Variants in PDZD2 observed in about 807,000 individuals in gnomAD.
PDZD2 encodes PDZ domain containing 2.
PDZD2 carries 90 observed loss-of-function variants against 220.7 expected under a neutral mutation model. The observed-to-expected ratio is 0.41, with a 90% confidence interval of 0.34 to 0.49. PDZD2 has a LOEUF of 0.49. PDZD2 is among the 20% of genes least tolerant of loss of function. PDZD2 has a pLI of 0.28. For synonymous variants in PDZD2, 1,375 were observed against 1,450.5 expected, an observed-to-expected ratio of 0.95 and a Z score of 1.18; for missense variants, 3,174 against 3,608.5, an observed-to-expected ratio of 0.88 and a Z score of 3.08.
At chr5:31,942,632 G>A (rs961919914) in intron 2 of PDZD2, among the ~76,000 whole-genome samples, 2 of 152,178 alleles carry the variant, frequency 1.3e-5, no homozygotes, top group African/African-American at 4.8e-5. Context: ...ACTGCACCCG[G>A]CCAAACAAAA....
chr5:32,042,628 G>A (rs1465964277), intron 7 of PDZD2, among the ~76,000 whole-genome samples: 2 of 152,288 alleles, frequency 1.3e-5, no homozygotes, highest in Non-Finnish European at 2.9e-5. Context: ...TTGTGCTCAT[G>A]ACTCAGAATA....
chr5:31,649,652 C>T (rs1007769277), intron 1 of PDZD2, among the ~76,000 whole-genome samples: 5 of 151,994 alleles, frequency 3.3e-5, no homozygotes. Context: ...TATCAAGTCT[C>T]GGCTGGGCGC....
chr5:32,000,720 G>A lies in PDZD2; in HGVS notation c.1254+449G>A, dbSNP rs1453161217. Among the ~76,000 whole-genome samples, 2 of 152,192 alleles carry A rather than the reference G, an allele frequency of 1.3e-5. No homozygotes were observed. Among genetic ancestry groups the A allele is most frequent in the African/African-American group, 2.4e-5 (1 of 41,458 alleles). On this transcript the variant is annotated intron_variant, in intron 5 of 24. Coordinates refer to ENST00000438447, the MANE Select transcript of PDZD2 (RefSeq NM_178140.4). The surrounding 1 kb of genome is among the most constrained non-coding windows in gnomAD (Gnocchi z 4.5). Reference sequence around the variant, plus strand: ...AGATGGGGTTTCTCCATGTTGGTCAGGCTGGTCTCAAACTCCTGACCTCAG... The same window carrying A: ...AGATGGGGTTTCTCCATGTTGGTCAAGCTGGTCTCAAACTCCTGACCTCAG...
chr5:32,005,726 A>T (rs1335589024), intron 5 of PDZD2, among the ~76,000 whole-genome samples: 3 of 152,174 alleles, frequency 2.0e-5, no homozygotes, highest in African/African-American at 7.2e-5. Context: ...CCTGGACTTA[A>T]ATCGAGCACA....
chr5:31,882,887 G>A (rs922387952), intron 2 of PDZD2, among the ~76,000 whole-genome samples: 4 of 151,804 alleles, frequency 2.6e-5, no homozygotes, highest in African/African-American at 9.7e-5. Context: ...AAAGTTAGCT[G>A]AGCCTGATTG....
At chr5:31,670,024 G>A (rs765750872) in intron 1 of PDZD2, among the ~76,000 whole-genome samples, 8 of 152,236 alleles carry the variant, frequency 5.3e-5, no homozygotes, top group East Asian at 3.9e-4. Flanking sequence ...AAACTGAAAC[G>A]CAAGGAGCTT....
At chr5:31,982,284 C>T (rs1581209307) in intron 2 of PDZD2, among the ~76,000 whole-genome samples, 1 of 152,174 alleles carries the variant, frequency 6.6e-6, no homozygotes, top group African/African-American at 2.4e-5. Flanking sequence ...GCCACCAGTG[C>T]CTACTTAGCC....
At chr5:32,081,030 T>G (rs1259660763) in intron 19 of PDZD2, among the ~76,000 whole-genome samples, 1 of 151,660 alleles carries the variant, frequency 6.6e-6, no homozygotes, top group Non-Finnish European at 1.5e-5. Flanking sequence ...GGCACACATT[T>G]CCCTGTGTAA....
rs148296146 is a variant in PDZD2, at chr5:31,767,704, T to C, written c.-360-31185T>C. On this transcript the variant is annotated intron_variant, in intron 1 of 24. Transcript: ENST00000438447. Reference sequence around the variant, plus strand: ...CAGATGGCCATCTCCTCTGCAATATTGATGGGGCCTGCAGACTTGAAGCAA... The same window carrying C: ...CAGATGGCCATCTCCTCTGCAATATCGATGGGGCCTGCAGACTTGAAGCAA... 3.3e-5 allele frequency among the ~76,000 whole-genome samples: 5 copies of C among 152,320 alleles called. 1 individual carries two copies. The South Asian group carries it at 1.0e-3, about 32-fold the overall frequency.
At position 31,884,260 on chromosome 5, in the gene PDZD2, C is replaced by T. The variant is rs140740697; in HGVS notation, c.476+84536C>T. 4.2e-4 allele frequency among the ~76,000 whole-genome samples: 63 copies of T among 151,244 alleles called. 1 individual carries two copies. In the East Asian group the frequency reaches 8.5e-3, roughly 20 times the overall value. On this transcript the variant is annotated intron_variant, in intron 2 of 24. Coordinates refer to ENST00000438447, the MANE Select transcript of PDZD2 (RefSeq NM_178140.4). The stretch of plus-strand genomic sequence containing the variant: ...ACATACATACATACATACATACATA[C>T]ATCCTGGGTTGGGTTCACAGACACG...
At chr5:32,023,358 G>A (rs576651235) in intron 6 of PDZD2, among the ~76,000 whole-genome samples, 14 of 152,032 alleles carry the variant, frequency 9.2e-5, no homozygotes, top group African/African-American at 3.1e-4. Context: ...TCCAAGCCAC[G>A]TTCTCTCATT....
At chr5:31,686,729 C>A (rs551037803) in intron 1 of PDZD2, among the ~76,000 whole-genome samples, 25 of 152,310 alleles carry the variant, frequency 1.6e-4, no homozygotes, top group African/African-American at 6.0e-4. Flanking sequence ...TGTATCAAAT[C>A]TTTTACAATA....
chr5:32,041,664 A>G (rs2112253662), intron 7 of PDZD2, among the ~76,000 whole-genome samples: 1 of 152,114 alleles, frequency 6.6e-6, no homozygotes, highest in Admixed American at 6.5e-5. Context: ...AAGAGTCATC[A>G]CCACTCCCTA....
intron 2 of PDZD2, among the ~76,000 whole-genome samples, chr5:31,816,541 T>C (rs1755470952): frequency 6.6e-6 from 1 of 152,182 alleles, no homozygotes; most frequent in African/African-American, 2.4e-5. Context: ...AATGTTTCCA[T>C]AGTGATATGA....
chr5:31,909,607 ATATT>A (rs946174467), intron 2 of PDZD2, among the ~76,000 whole-genome samples: 7 of 152,332 alleles, frequency 4.6e-5, no homozygotes, highest in South Asian at 2.1e-4. Flanking sequence ...ACGAAATACT[ATATT>A]TAGTATACTA....
intron 1 of PDZD2, among the ~76,000 whole-genome samples, chr5:31,726,889 G>C (rs1749177576): frequency 6.6e-6 from 1 of 152,200 alleles, no homozygotes; most frequent in African/African-American, 2.4e-5. Context: ...TTGCCTTGTA[G>C]TTCTGCAGGC....
chr5:32,072,323 C>T lies in PDZD2; in HGVS notation c.2725+6C>T, dbSNP rs1740833263. 1.9e-6 allele frequency: 3 copies of T among 1,606,516 alleles called. No homozygotes were observed. Among genetic ancestry groups the T allele is most frequent in the Non-Finnish European group, 2.6e-6 (3 of 1,175,672 alleles). On this transcript the variant is annotated splice_donor_region_variant and intron_variant, in intron 17 of 24. Transcript: ENST00000438447. ...CCTGCCTCCCAGCACCTCCAGTAAG[C>T]AGGGGTGCCCCAGAGGGCCTGGGCT...
chr5:32,099,433 C>G (rs1744045523), intron 23 of PDZD2: 1 of 152,268 alleles, frequency 6.6e-6, no homozygotes, highest in Non-Finnish European at 1.5e-5. Flanking sequence ...GTGGCCTGAG[C>G]TGTTTGTAGT....
intron 2 of PDZD2, among the ~76,000 whole-genome samples, chr5:31,857,312 C>T (rs1450298682): frequency 6.6e-6 from 1 of 152,188 alleles, no homozygotes; most frequent in Non-Finnish European, 1.5e-5. Flanking sequence ...ATTGTGGGGT[C>T]TCCTCTCACT....
Sources: allele counts gnomAD v4.1 joint callset (sites outside exome capture counted in the v4.1 genomes callset), GRCh38; gene constraint gnomAD v4.1.1; non-coding constraint Gnocchi (gnomAD v3.1); transcripts MANE v1.5; gene names NCBI Gene and HGNC (gene_info 2026-07-23, HGNC 2026-07-21).